TBC1D15: variants seen among roughly 807,000 people sequenced by gnomAD.
TBC1D15 encodes GAP for RAB7.
TBC1D15 carries 39 observed loss-of-function variants against 95.4 expected under a neutral mutation model. That is an observed-to-expected ratio of 0.41 (90% CI 0.32 to 0.53). The LOEUF (loss-of-function observed/expected upper bound fraction) is 0.53. Ranked by LOEUF, TBC1D15 falls within the 20% of genes least tolerant of loss-of-function variation. The probability of loss-of-function intolerance (pLI) is 0.29; values close to 1 mark genes in which losing one functional copy is unlikely to be tolerated. For missense variants in TBC1D15, 733 were observed against 794.3 expected, an observed-to-expected ratio of 0.92 and a Z score of 0.93; for synonymous variants, 258 against 261.3, an observed-to-expected ratio of 0.99 and a Z score of 0.12.
chr12:71,847,973 T>C (rs1886760832), intron 1 of TBC1D15, among the ~76,000 whole-genome samples: 1 of 151,928 alleles, frequency 6.6e-6, no homozygotes, highest in Non-Finnish European at 1.5e-5. Flanking sequence ...GGTGCATGCC[T>C]GTAATCCCAG....
intron 1 of TBC1D15, among the ~76,000 whole-genome samples, chr12:71,845,882 GAAAT>G (rs1007289147): frequency 9.2e-5 from 14 of 151,862 alleles, no homozygotes; most frequent in Admixed American, 4.6e-4. Flanking sequence ...TCCATTTTTG[GAAAT>G]AAATAAAAAT....
chr12:71,859,434 G>T (rs1324522416), intron 1 of TBC1D15, among the ~76,000 whole-genome samples: 1 of 152,050 alleles, frequency 6.6e-6, no homozygotes, highest in Non-Finnish European at 1.5e-5. Flanking sequence ...ATGCTATGCA[G>T]AAGTTATTTT....
intron 1 of TBC1D15, chr12:71,849,969 A>G: frequency 1.9e-6 from 1 of 521,014 alleles, no homozygotes; most frequent in South Asian, 1.7e-5. Context: ...GTATTGCAGG[A>G]GTGCTTCTAT....
intron 1 of TBC1D15, among the ~76,000 whole-genome samples, chr12:71,854,146 T>C (rs752354034): frequency 2.0e-5 from 3 of 152,224 alleles, no homozygotes; most frequent in Admixed American, 6.5e-5. Context: ...AACATAAAGC[T>C]AGACAATTGT....
chr12:71,899,001 T>G (rs774751438), intron 10 of TBC1D15, among the ~76,000 whole-genome samples: 3 of 152,178 alleles, frequency 2.0e-5, no homozygotes, highest in Non-Finnish European at 4.4e-5. Flanking sequence ...AGTTTCTAAC[T>G]GAAGCTTCTT....
intron 10 of TBC1D15, among the ~76,000 whole-genome samples, chr12:71,902,446 T>G (rs1899607839): frequency 6.6e-6 from 1 of 152,166 alleles, no homozygotes; most frequent in African/African-American, 2.4e-5. Context: ...CCATCTGATC[T>G]TCGACAGAGC....
At chr12:71,872,850 A>G (rs1892977515) in intron 2 of TBC1D15, 79 bp from the exon 3 acceptor site, 1 of 1,014,024 alleles carries the variant, frequency 9.9e-7, no homozygotes, top group Non-Finnish European at 1.4e-6. Flanking sequence ...CTGAAATTTT[A>G]TTTTGGGTTC....
At chr12:71,856,518 G>A (rs1889114747) in intron 1 of TBC1D15, among the ~76,000 whole-genome samples, 1 of 152,086 alleles carries the variant, frequency 6.6e-6, no homozygotes, top group Admixed American at 6.5e-5. Flanking sequence ...CCTTCAATTT[G>A]CCAGATTCCT....
chr12:71,867,039 A>G (rs2138220455), intron 1 of TBC1D15, among the ~76,000 whole-genome samples: 2 of 152,354 alleles, frequency 1.3e-5, no homozygotes, highest in South Asian at 4.1e-4. Flanking sequence ...GAAGGACTAC[A>G]ATATTCAATG....
chr12:71,895,636 A>G (rs2138707391), intron 7 of TBC1D15, among the ~76,000 whole-genome samples: 1 of 152,212 alleles, frequency 6.6e-6, no homozygotes, highest in Non-Finnish European at 1.5e-5. Context: ...TACAGAATTT[A>G]CATGTTGAAT....
intron 4 of TBC1D15, among the ~76,000 whole-genome samples, chr12:71,881,062 A>G (rs997580331): frequency 6.6e-6 from 1 of 152,176 alleles, no homozygotes; most frequent in Non-Finnish European, 1.5e-5. Flanking sequence ...CTTTCTACAT[A>G]TATACCATCA....
intron 1 of TBC1D15, among the ~76,000 whole-genome samples, chr12:71,859,320 G>A (rs558530634): frequency 1.3e-4 from 19 of 151,844 alleles, no homozygotes; most frequent in Non-Finnish European, 2.6e-4. Flanking sequence ...TGAGGTTTTC[G>A]ACTTTCTTGT....
At chr12:71,843,504 G>T (rs1266962738) in intron 1 of TBC1D15, among the ~76,000 whole-genome samples, 1 of 152,010 alleles carries the variant, frequency 6.6e-6, no homozygotes, top group South Asian at 2.1e-4. Flanking sequence ...CTTTTAACAT[G>T]GTAGTTAACT....
intron 3 of TBC1D15, among the ~76,000 whole-genome samples, chr12:71,876,468 C>T (rs930867528): frequency 6.6e-6 from 1 of 152,126 alleles, no homozygotes; most frequent in African/African-American, 2.4e-5. Flanking sequence ...TTCTTAGATA[C>T]TCTTATCCCA....
chr12:71,917,071 G>A (rs756449234), intron 12 of TBC1D15, among the ~76,000 whole-genome samples: 1 of 151,838 alleles, frequency 6.6e-6, no homozygotes, highest in Non-Finnish European at 1.5e-5. Context: ...ACAAGAGATT[G>A]TTTTAAATTT....
intron 10 of TBC1D15, among the ~76,000 whole-genome samples, chr12:71,905,642 A>G (rs2138872093): frequency 6.6e-6 from 1 of 152,202 alleles, no homozygotes; most frequent in East Asian, 1.9e-4. Context: ...GACATTTCTA[A>G]TTGCAATTTT....
intron 11 of TBC1D15, among the ~76,000 whole-genome samples, chr12:71,908,188 C>T (rs1901261039): frequency 6.6e-6 from 1 of 151,870 alleles, no homozygotes; most frequent in Admixed American, 6.6e-5. Flanking sequence ...AAAAAAAGAA[C>T]TGACGGTGGA....
chr12:71,870,620 G>T (rs369152347), intron 1 of TBC1D15, among the ~76,000 whole-genome samples: 2 of 152,170 alleles, frequency 1.3e-5, no homozygotes, highest in Admixed American at 6.5e-5. Context: ...GGCTAAGAGC[G>T]CAGTTTTCTG....
chr12:71,918,821 C>G (rs1037195072), intron 14 of TBC1D15, among the ~76,000 whole-genome samples: 20 of 152,196 alleles, frequency 1.3e-4, no homozygotes, highest in African/African-American at 4.8e-4. Flanking sequence ...TGCCTTTGTT[C>G]TTCCTTTGTG....
Sources: gnomAD v4.1 joint callset for allele counts (sites outside exome capture counted in the v4.1 genomes callset) on GRCh38, gnomAD v4.1.1 for gene constraint, MANE v1.5 for transcripts, NCBI Gene and HGNC (gene_info 2026-07-23, HGNC 2026-07-21) for gene names.